The following NELL1 variants were observed in gnomAD, a reference collection of about 807,000 sequenced individuals.
The protein encoded by NELL1 is neural EGFL like 1.
A neutral mutation model predicts 107.4 loss-of-function variants in NELL1; 76 were observed. That is an observed-to-expected ratio of 0.71 (90% CI 0.59 to 0.86). The LOEUF is 0.86. Among genes scored for constraint, NELL1 ranks in the 40% least tolerant of loss-of-function variants. NELL1 has a pLI of 0.00. For synonymous variants in NELL1, 353 were observed against 341.2 expected, an observed-to-expected ratio of 1.03 and a Z score of -0.38; for missense variants, 1,024 against 1,005.5, an observed-to-expected ratio of 1.02 and a Z score of -0.25.
chr11:21,247,568 G>A (rs956253072), intron 14 of NELL1, among the ~76,000 whole-genome samples: 1 of 152,128 alleles, frequency 6.6e-6, no homozygotes, highest in African/African-American at 2.4e-5. Flanking sequence ...TAGCACGCAT[G>A]GAGGTGTCAT....
intron 14 of NELL1, among the ~76,000 whole-genome samples, chr11:21,288,351 A>G (rs1254736343): frequency 1.3e-5 from 2 of 152,204 alleles, no homozygotes; most frequent in East Asian, 3.9e-4. Flanking sequence ...AAATGTCTGT[A>G]CTGCATTTGT....
intron 12 of NELL1, among the ~76,000 whole-genome samples, chr11:21,051,869 C>A (rs1853501116): frequency 6.6e-6 from 1 of 152,028 alleles, no homozygotes; most frequent in Admixed American, 6.6e-5. Flanking sequence ...GAGAAAAATC[C>A]CTGCTTTTGT....
Position 20,835,368 on chromosome 11 carries a change from T to C in NELL1, c.336-12215T>C, listed in dbSNP as rs1848515242. On this transcript the variant is annotated intron_variant, in intron 3 of 19. Transcript: ENST00000357134. ...TTACACTTAGTGCCTTCTTTGCATATATGATTTTCAATCTTGCTTTCACAG... is the reference window on the plus strand; with the variant it reads ...TTACACTTAGTGCCTTCTTTGCATACATGATTTTCAATCTTGCTTTCACAG... Among the ~76,000 whole-genome samples the C allele has an allele frequency of 2.0e-5, 3 of 152,236 alleles. No homozygotes were observed. In the South Asian group the frequency reaches 6.2e-4, roughly 31 times the overall value.
chr11:20,811,951 G>C (rs1174585239), intron 3 of NELL1, among the ~76,000 whole-genome samples: 1 of 151,942 alleles, frequency 6.6e-6, no homozygotes, highest in East Asian at 1.9e-4. Flanking sequence ...TTATTATTTA[G>C]GCTAGGACTT....
chr11:21,096,034 C>T (rs945268346), intron 12 of NELL1, among the ~76,000 whole-genome samples: 1 of 152,116 alleles, frequency 6.6e-6, no homozygotes, highest in African/African-American at 2.4e-5. Context: ...AAGTCTTGCC[C>T]CCATGATTCA....
At chr11:21,093,688 C>T (rs1485533637) in intron 12 of NELL1, among the ~76,000 whole-genome samples, 4 of 152,190 alleles carry the variant, frequency 2.6e-5, no homozygotes, top group Non-Finnish European at 4.4e-5. Context: ...GAGCAAGTCA[C>T]GTCTTACATG....
chr11:20,991,441 A>T (rs1006813232), intron 12 of NELL1, among the ~76,000 whole-genome samples: 1 of 152,220 alleles, frequency 6.6e-6, no homozygotes, highest in African/African-American at 2.4e-5. Flanking sequence ...TATGTGCAAT[A>T]GGTGACCTTA....
intron 15 of NELL1, among the ~76,000 whole-genome samples, chr11:21,529,033 T>C (rs79406283): frequency 0.035 from 5,300 of 152,158 alleles, 307 homozygotes; most frequent in African/African-American, 0.12. Flanking sequence ...AAATGCTGGC[T>C]AGCAATAAAA....
chr11:21,442,205 A>G (rs1459469802), intron 15 of NELL1, among the ~76,000 whole-genome samples: 3 of 152,312 alleles, frequency 2.0e-5, no homozygotes, highest in African/African-American at 7.2e-5. Context: ...AGGTAAATCT[A>G]TTGTTAAGAA....
chr11:20,774,771 A>G (rs538650756), intron 2 of NELL1, among the ~76,000 whole-genome samples: 1 of 152,296 alleles, frequency 6.6e-6, no homozygotes, highest in Admixed American at 6.5e-5. Context: ...TCATGTCTTT[A>G]TAAGAACATC....
chr11:21,546,497 G>A (rs142316195), intron 16 of NELL1, among the ~76,000 whole-genome samples: 1,974 of 152,038 alleles, frequency 0.013, 30 homozygotes, highest in South Asian at 0.026. Flanking sequence ...GGAACCAGTG[G>A]GAGGTAACTG....
At chr11:21,172,719 A>G (rs1856632735) in intron 13 of NELL1, among the ~76,000 whole-genome samples, 1 of 151,770 alleles carries the variant, frequency 6.6e-6, no homozygotes, top group African/African-American at 2.4e-5. Flanking sequence ...GCCACACACT[A>G]TGCCAAATAC....
chr11:21,074,343 A>G (rs1854084477), intron 12 of NELL1, among the ~76,000 whole-genome samples: 2 of 152,190 alleles, frequency 1.3e-5, no homozygotes, highest in Non-Finnish European at 2.9e-5. Flanking sequence ...CCAGCTGATA[A>G]TCAGCAGAAT....
At chr11:20,970,075 CCA>C (rs1851466706) in intron 12 of NELL1, among the ~76,000 whole-genome samples, 1 of 151,928 alleles carries the variant, frequency 6.6e-6, no homozygotes, top group African/African-American at 2.4e-5. Context: ...ATCCATCCAT[CCA>C]TCCATCCATC....
chr11:21,037,969 T>A (rs1339280410), intron 12 of NELL1, among the ~76,000 whole-genome samples: 2 of 152,196 alleles, frequency 1.3e-5, no homozygotes, highest in Admixed American at 1.3e-4. Context: ...TGAAGAGAGA[T>A]GTTTGTTGGT....
chr11:21,143,248 G>T lies in NELL1; in HGVS notation c.1426+29534G>T, dbSNP rs572561094. Among the ~76,000 whole-genome samples the T allele has an allele frequency of 2.6e-5, 4 of 152,272 alleles. No homozygotes were observed. The East Asian group carries it at 7.7e-4, about 29-fold the overall frequency. On this transcript the variant is annotated intron_variant, in intron 13 of 19. Transcript: ENST00000357134. ...TTGGCTAAACTGTGTGCAGCAGGAT[G>T]AACTTTTTATTATCATAATAGCTTG...
In NELL1 at chr11:20,960,477, A is replaced by G; in HGVS notation, c.1217A>G (p.Glu406Gly). ...AEGPKCGENS[E>G]CKNWNTKATC... ...GGACCTAAATGTGGTGAAAACTCAG[A>G]GTGCAAAAACTGGAATACAAAAGCT... The change falls in exon 12 of 20, where the codon GAG (glutamate) becomes GGG (glycine). Residue 406 changes from glutamate to glycine, a missense_variant. By Grantham distance (98) the Glu-to-Gly change is moderately conservative. Transcript: ENST00000357134. The G allele has an allele frequency of 1.9e-6, 3 of 1,614,040 alleles. No individual in the cohort carries two copies. The highest frequency in any genetic ancestry group is 2.5e-6 in the Non-Finnish European group (3 of 1,179,882).
At chr11:21,199,145 T>C (rs1857213025) in intron 13 of NELL1, among the ~76,000 whole-genome samples, 1 of 152,172 alleles carries the variant, frequency 6.6e-6, no homozygotes, top group Non-Finnish European at 1.5e-5. Context: ...TATCTTGTTC[T>C]TCTTACTACC....
chr11:20,880,802 A>T (rs1849393165), intron 4 of NELL1, among the ~76,000 whole-genome samples: 1 of 152,194 alleles, frequency 6.6e-6, no homozygotes, highest in African/African-American at 2.4e-5. Context: ...GGGATTCAAG[A>T]TTCTCGGTCT....
Sources: allele counts gnomAD v4.1 joint callset (sites outside exome capture counted in the v4.1 genomes callset), GRCh38; gene constraint gnomAD v4.1.1; transcripts MANE v1.5; gene names NCBI Gene and HGNC (gene_info 2026-07-23, HGNC 2026-07-21).